The following RBFOX1 variants were observed in gnomAD, a reference collection of about 807,000 sequenced individuals.
RBFOX1 encodes the protein RNA binding protein fox-1 homolog 1.
A neutral mutation model predicts 57.7 loss-of-function variants in RBFOX1; 8 were observed. That is an observed-to-expected ratio of 0.14 (90% CI 0.08 to 0.25). The LOEUF (loss-of-function observed/expected upper bound fraction) is 0.25, where lower values mean the gene tolerates loss of function less well. Among genes scored for constraint, RBFOX1 ranks in the 10% least tolerant of loss-of-function variants. The pLI is 1.00. For synonymous variants in RBFOX1, 326 were observed against 222.4 expected, an observed-to-expected ratio of 1.47 and a Z score of -4.15; for missense variants, 611 against 548.5, an observed-to-expected ratio of 1.11 and a Z score of -1.14.
chr16:7,331,678 G>A (rs554242281), intron 4 of RBFOX1, among the ~76,000 whole-genome samples: 3 of 152,070 alleles, frequency 2.0e-5, no homozygotes, highest in Non-Finnish European at 2.9e-5. Context: ...TTGAAGTAGG[G>A]ACTATTATTA....
At chr16:7,610,455 A>T (rs2057266864) in intron 10 of RBFOX1, among the ~76,000 whole-genome samples, 1 of 151,952 alleles carries the variant, frequency 6.6e-6, no homozygotes, top group Admixed American at 6.6e-5. Context: ...TCTGTGTGCA[A>T]ACCAGTGAAA....
In RBFOX1 at chr16:5,984,794, A is replaced by T. The variant is rs1045157962; in HGVS notation, c.351+117459A>T. ...CGGTATGTTCTGGCCTTTTGCTCCT[A>T]GGCTACAAACTTATATGGCGTTTTT... On this transcript the variant is annotated intron_variant, in intron 4 of 19. Transcript: ENST00000641259. 5.9e-5 allele frequency among the ~76,000 whole-genome samples: 9 copies of T among 151,900 alleles called. No individual in the cohort carries two copies. In the East Asian group the frequency reaches 1.8e-3, roughly 30 times the overall value.
At chr16:6,414,850 G>C (rs1005918842) in intron 2 of RBFOX1, among the ~76,000 whole-genome samples, 1 of 152,154 alleles carries the variant, frequency 6.6e-6, no homozygotes, top group Admixed American at 6.5e-5. Flanking sequence ...GAGTGCTGCT[G>C]ACATCTAGTG....
At chr16:7,100,699 A>T (rs1194665138) in intron 4 of RBFOX1, among the ~76,000 whole-genome samples, 2 of 152,028 alleles carry the variant, frequency 1.3e-5, no homozygotes, top group African/African-American at 4.8e-5. Context: ...AACTTTAAAA[A>T]TGTACAAAAT....
intron 2 of RBFOX1, among the ~76,000 whole-genome samples, chr16:6,457,319 A>G (rs1294120241): frequency 1.3e-5 from 2 of 152,054 alleles, no homozygotes; most frequent in South Asian, 4.2e-4. Context: ...TCCCTTGCCA[A>G]TGGAAGCCAT....
chr16:6,692,192 C>G (rs1188392538), intron 3 of RBFOX1, among the ~76,000 whole-genome samples: 1 of 152,176 alleles, frequency 6.6e-6, no homozygotes, highest in Non-Finnish European at 1.5e-5. Flanking sequence ...ATAAAGATTA[C>G]TTTGTTACAA....
At chr16:7,489,302 A>T (rs2066281829) in intron 4 of RBFOX1, among the ~76,000 whole-genome samples, 2 of 152,196 alleles carry the variant, frequency 1.3e-5, no homozygotes, top group African/African-American at 4.8e-5. Flanking sequence ...TTACTAAATG[A>T]CAGGAACTGC....
chr16:5,623,492 A>C (rs1410553130), intron 3 of RBFOX1, among the ~76,000 whole-genome samples: 1 of 152,192 alleles, frequency 6.6e-6, no homozygotes, highest in African/African-American at 2.4e-5. Flanking sequence ...AGTGCTGGAC[A>C]GGCCCATGAA....
intron 3 of RBFOX1, among the ~76,000 whole-genome samples, chr16:5,842,387 G>C (rs1432425601): frequency 6.6e-6 from 1 of 152,120 alleles, no homozygotes; most frequent in Non-Finnish European, 1.5e-5. Context: ...CAAAGCCCTT[G>C]GATTTGATTT....
chr16:6,105,254 A>G (rs2096364599), intron 1 of RBFOX1, among the ~76,000 whole-genome samples: 1 of 152,344 alleles, frequency 6.6e-6, no homozygotes, highest in East Asian at 1.9e-4. Flanking sequence ...GGTGGCAGGC[A>G]GGAATGTTTA....
chr16:5,579,700 A>G (rs928702437), intron 2 of RBFOX1, among the ~76,000 whole-genome samples: 1 of 151,618 alleles, frequency 6.6e-6, no homozygotes, highest in Admixed American at 6.6e-5. Flanking sequence ...AGCTCGCTTG[A>G]CTTTTCCTTT....
chr16:5,360,463 A>G (rs778305306), intron 1 of RBFOX1, among the ~76,000 whole-genome samples: 12 of 152,238 alleles, frequency 7.9e-5, no homozygotes, highest in Non-Finnish European at 1.2e-4. Context: ...TGTGGGTCAC[A>G]TGCATCACCT....
intron 1 of RBFOX1, among the ~76,000 whole-genome samples, chr16:5,280,473 T>C (rs1287102780): frequency 9.9e-5 from 15 of 152,246 alleles, no homozygotes; most frequent in Admixed American, 9.2e-4. Context: ...AAGAATTCCC[T>C]CCTCTTCAAT....
chr16:6,065,574 G>T (rs2095750797), intron 1 of RBFOX1, among the ~76,000 whole-genome samples: 1 of 152,010 alleles, frequency 6.6e-6, no homozygotes, highest in Non-Finnish European at 1.5e-5. Flanking sequence ...AATCACTGGG[G>T]GTTTCTTAGC....
chr16:7,446,634 T>A (rs887262259), intron 4 of RBFOX1, among the ~76,000 whole-genome samples: 4 of 152,084 alleles, frequency 2.6e-5, no homozygotes, highest in Admixed American at 1.3e-4. Context: ...CTGAACCACA[T>A]GAGCCTGTCT....
intron 4 of RBFOX1, among the ~76,000 whole-genome samples, chr16:7,159,306 C>T (rs1054606522): frequency 3.3e-5 from 5 of 152,114 alleles, no homozygotes; most frequent in African/African-American, 7.2e-5. Flanking sequence ...ATTGTCACTG[C>T]GTCATGCCTA....
upstream of RBFOX1, among the ~76,000 whole-genome samples, chr16:6,015,557 C>G: frequency 6.6e-6 from 1 of 152,200 alleles, no homozygotes; most frequent in East Asian, 1.9e-4. Context: ...CTTCTACTCT[C>G]TTGGCTCTTT....
chr16:7,577,096 C>T (rs11648790), intron 5 of RBFOX1, among the ~76,000 whole-genome samples: 65,057 of 151,992 alleles, frequency 0.43, 14,241 homozygotes, highest in East Asian at 0.53. Context: ...CACATGAAGG[C>T]GGCGACATTG....
intron 2 of RBFOX1, among the ~76,000 whole-genome samples, chr16:6,520,288 A>G (rs1011315247): frequency 6.6e-6 from 1 of 152,224 alleles, no homozygotes; most frequent in Non-Finnish European, 1.5e-5. Flanking sequence ...AGGTTGTTAA[A>G]TTGTGGCTTT....
Sources: gnomAD v4.1 joint callset for allele counts (sites outside exome capture counted in the v4.1 genomes callset) on GRCh38, gnomAD v4.1.1 for gene constraint, MANE v1.5 for transcripts, NCBI Gene and HGNC (gene_info 2026-07-23, HGNC 2026-07-21) for gene names.